Variants in BOLL observed in about 807,000 individuals in gnomAD.
BOLL encodes boule RNA binding protein, also known as protein boule-like.
A neutral mutation model predicts 44.4 loss-of-function variants in BOLL; 23 were observed. The ratio of observed to expected loss-of-function variants is 0.52; its 90% CI spans 0.37 to 0.73. BOLL has a LOEUF of 0.73. Ranked by LOEUF, BOLL falls within the 30% of genes least tolerant of loss-of-function variation. The pLI, the probability that BOLL is intolerant of heterozygous loss-of-function variation, is 0.00. For synonymous variants in BOLL, 97 were observed against 110.8 expected (o/e 0.88, Z 0.78); for missense variants, 287 against 338.3 (o/e 0.85, Z 1.19).
Position 197,751,794 on chromosome 2 carries a change from G to C in BOLL, c.729+4634C>G, listed in dbSNP as rs548621758. 2.6e-5 allele frequency among the ~76,000 whole-genome samples: 4 copies of C among 151,618 alleles called. No homozygotes were observed. The East Asian group carries it at 7.8e-4, about 29-fold the overall frequency. ...GAGGGACTCCTTCCTAACTTATTTT[G>C]TGAGGCCAGCATCATCCTGATACCA... On this transcript the variant is annotated intron_variant, in intron 9 of 10. Transcript: ENST00000392296.
At chr2:197,747,198 C>T (rs147530658) in intron 9 of BOLL, among the ~76,000 whole-genome samples, 7 of 152,150 alleles carry the variant, frequency 4.6e-5, no homozygotes, top group African/African-American at 1.7e-4. Context: ...ATATATCCAA[C>T]CATCATGCTA....
chr2:197,778,791 T>C (rs1447808073), intron 3 of BOLL, among the ~76,000 whole-genome samples, 184 bp downstream of exon 3: 2 of 149,366 alleles, frequency 1.3e-5, no homozygotes, highest in African/African-American at 5.0e-5. Context: ...TTACAGTGTC[T>C]CCTCCCTCCA....
At chr2:197,734,636 A>G (rs565724349) in intron 10 of BOLL, among the ~76,000 whole-genome samples, 341 of 152,334 alleles carry the variant, frequency 2.2e-3, no homozygotes, top group African/African-American at 8.0e-3. Context: ...GCCATAAAAA[A>G]TGATGAGTTC....
chr2:197,779,990 C>G (rs1449485294), intron 2 of BOLL, among the ~76,000 whole-genome samples: 2 of 151,956 alleles, frequency 1.3e-5, no homozygotes, highest in Non-Finnish European at 2.9e-5. Flanking sequence ...TAGTTGGTAA[C>G]ATAAAGCCTG....
chr2:197,758,542 T>C (rs1438480814), intron 7 of BOLL, among the ~76,000 whole-genome samples: 1 of 152,192 alleles, frequency 6.6e-6, no homozygotes, highest in African/African-American at 2.4e-5. Context: ...TCATCTACTG[T>C]AGCACAAAAA....
intron 10 of BOLL, among the ~76,000 whole-genome samples, chr2:197,729,458 C>G (rs573265647): frequency 1.3e-5 from 2 of 152,250 alleles, no homozygotes; most frequent in African/African-American, 4.8e-5. Flanking sequence ...TGGGTGGAGC[C>G]CAGCACAGCT....
chr2:197,785,893 A>G (rs1243105183), upstream of BOLL: 3 of 1,120,962 alleles, frequency 2.7e-6, no homozygotes, highest in Non-Finnish European at 4.0e-6. This position sits in a 1 kb window ranked among gnomAD's most constrained non-coding sequence, Gnocchi z 6.7. Flanking sequence ...TGGGGCCTTC[A>G]CCTCGCCCCT....
chr2:197,738,908 C>T (rs2106321192), intron 10 of BOLL, among the ~76,000 whole-genome samples: 1 of 152,130 alleles, frequency 6.6e-6, no homozygotes, highest in East Asian at 1.9e-4. Flanking sequence ...TAATGTAGAA[C>T]AACATTTGTA....
intron 10 of BOLL, among the ~76,000 whole-genome samples, chr2:197,736,695 C>T (rs1283718410): frequency 1.3e-5 from 2 of 152,082 alleles, no homozygotes; most frequent in Admixed American, 1.3e-4. Flanking sequence ...GATATCTATG[C>T]ATGGGTTGCT....
chr2:197,761,342 G>A (rs188669142), intron 7 of BOLL, among the ~76,000 whole-genome samples: 1 of 152,084 alleles, frequency 6.6e-6, no homozygotes, highest in African/African-American at 2.4e-5. Flanking sequence ...ATCACCACTA[G>A]ATTGGCCTTA....
chr2:197,727,582 A>G lies in BOLL; in HGVS notation c.*973T>C, dbSNP rs1260658812. On this transcript the variant is annotated 3_prime_UTR_variant, in exon 11 of 11. Coordinates refer to ENST00000392296, the MANE Select transcript of BOLL (RefSeq NM_033030.6). ...TCTAAAATTTTCCTTTGGTGTAAAA[A>G]ATAGTTTTGCATTTTATGAAAACAA... is the stretch of plus-strand genomic sequence containing the variant. 8.5e-5 allele frequency: 13 copies of G among 152,346 alleles called. No individual in the cohort carries two copies. Among genetic ancestry groups the G allele is most frequent in the Non-Finnish European group, 2.9e-5 (2 of 68,030 alleles). The allele number at this position is 152,346 out of a possible 1,614,324, so 9.4% of individuals were successfully genotyped here.
chr2:197,734,795 A>C (rs1465506830), intron 10 of BOLL, among the ~76,000 whole-genome samples: 1 of 152,116 alleles, frequency 6.6e-6, no homozygotes, highest in African/African-American at 2.4e-5. Flanking sequence ...AATATCACAC[A>C]GAGGGGACTG....
upstream of BOLL, chr2:197,785,467 G>A (rs1690033665): frequency 1.1e-5 from 9 of 845,366 alleles, no homozygotes; most frequent in Non-Finnish European, 1.3e-5. The surrounding 1 kb of genome is among the most constrained non-coding windows in gnomAD (Gnocchi z 6.7). Flanking sequence ...TGGGTGCACA[G>A]CCAGGGCTAG....
chr2:197,775,755 AAAG>A lies in BOLL; in HGVS notation c.277-18_277-16del. Reference sequence around the variant, plus strand: ...AGTTTTTCAGCCTAAAATAAAGAAAAAAGAAATTATTTTATTATTTTAGCACTA... The same window carrying A: ...AGTTTTTCAGCCTAAAATAAAGAAAAAAATTATTTTATTATTTTAGCACTA... On this transcript the variant is annotated splice_polypyrimidine_tract_variant and intron_variant, in intron 4 of 10. Transcript: ENST00000392296. 1 of 1,404,626 alleles carries A rather than the reference AAAG, an allele frequency of 7.1e-7. No individual in the cohort carries two copies. The highest frequency in any genetic ancestry group is 9.7e-7 in the Non-Finnish European group (1 of 1,033,374). 87.0% of individuals were successfully genotyped at this position (1,404,626 alleles called of 1,614,324 possible).
At chr2:197,785,437 C>T, upstream of BOLL, 1 of 953,280 alleles carries the variant, frequency 1.0e-6, no homozygotes, top group Non-Finnish European at 1.3e-6. The surrounding 1 kb of genome is among the most constrained non-coding windows in gnomAD (Gnocchi z 6.7). Context: ...TTCACTTCCC[C>T]AAGTCCACCC....
At chr2:197,742,752 C>T (rs1448877516) in intron 10 of BOLL, among the ~76,000 whole-genome samples, 1 of 151,910 alleles carries the variant, frequency 6.6e-6, no homozygotes, top group Non-Finnish European at 1.5e-5. Context: ...CAACATGGCA[C>T]ATGTATACAT....
rs547771137 is a variant in BOLL, at chr2:197,783,337, A to G, written c.-15-1472T>C. ...CAAAAGCTTGAAGTTCATAATTCCAATTCTCTGAGAAACAAACTCATGAAA... is the reference window on the plus strand; with the variant it reads ...CAAAAGCTTGAAGTTCATAATTCCAGTTCTCTGAGAAACAAACTCATGAAA... On this transcript the variant is annotated intron_variant, in intron 1 of 10. Transcript: ENST00000392296. Among the ~76,000 whole-genome samples the G allele has an allele frequency of 2.0e-5, 3 of 152,324 alleles. No homozygotes were observed. The East Asian group carries it at 5.8e-4, about 29-fold the overall frequency.
intron 4 of BOLL, 129 bp from the exon 5 acceptor site, chr2:197,775,869 A>G: frequency 2.1e-6 from 1 of 486,046 alleles, no homozygotes; most frequent in Admixed American, 4.0e-5. Context: ...AGCAAGGAAT[A>G]GTGGGAAAGA....
At chr2:197,766,141 A>G (rs1194938679) in intron 7 of BOLL, among the ~76,000 whole-genome samples, 1 of 152,158 alleles carries the variant, frequency 6.6e-6, no homozygotes, top group Admixed American at 6.5e-5. Context: ...TGCTGCAATG[A>G]ACATTCGCAT....
Sources: allele counts gnomAD v4.1 joint callset (sites outside exome capture counted in the v4.1 genomes callset), GRCh38; gene constraint gnomAD v4.1.1; non-coding constraint Gnocchi (gnomAD v3.1); transcripts MANE v1.5; gene names NCBI Gene and HGNC (gene_info 2026-07-23, HGNC 2026-07-21).